Variants in CACNA1I observed in about 807,000 individuals in gnomAD.
CACNA1I encodes the protein calcium voltage-gated channel subunit alpha1 I.
CACNA1I carries 74 observed loss-of-function variants against 201.6 expected under a neutral mutation model. The observed-to-expected ratio is 0.37, with a 90% CI of 0.30 to 0.45. CACNA1I has a LOEUF of 0.45. Ranked by LOEUF, CACNA1I falls within the 20% of genes least tolerant of loss-of-function variation. CACNA1I has a pLI of 1.00. For synonymous variants in CACNA1I, 1,431 were observed against 1,345.2 expected (o/e 1.06, Z -1.40); for missense variants, 2,346 against 3,138.1 (o/e 0.75, Z 6.03).
chr22:39,610,391 G>T (rs1933352794), intron 3 of CACNA1I, among the ~76,000 whole-genome samples: 2 of 152,160 alleles, frequency 1.3e-5, no homozygotes, highest in African/African-American at 4.8e-5. Context: ...CGTGGACTGG[G>T]GAAGGTTCCA....
chr22:39,636,614 G>T (rs139253146), intron 5 of CACNA1I, among the ~76,000 whole-genome samples: 1 of 152,330 alleles, frequency 6.6e-6, no homozygotes, highest in African/African-American at 2.4e-5. Flanking sequence ...GGGAGGCTTA[G>T]ACCTTAACTC....
At chr22:39,588,240 C>T (rs192604100) in intron 1 of CACNA1I, among the ~76,000 whole-genome samples, 1 of 149,118 alleles carries the variant, frequency 6.7e-6, no homozygotes, top group Non-Finnish European at 1.5e-5. Context: ...TTAAGTGATC[C>T]TCCTGCCTCA....
chr22:39,591,741 G>C (rs1276396677), intron 1 of CACNA1I, among the ~76,000 whole-genome samples: 2 of 151,792 alleles, frequency 1.3e-5, no homozygotes, highest in African/African-American at 4.8e-5. Flanking sequence ...TGTATTTTTA[G>C]TAGAGACAGG....
At position 39,648,229 on chromosome 22, in the gene CACNA1I, C is replaced by T. The variant is rs888021124; in HGVS notation, c.1567+303C>T. Among the ~76,000 whole-genome samples, 2 of 152,102 alleles carry T rather than the reference C, an allele frequency of 1.3e-5. No homozygotes were observed. Among genetic ancestry groups the T allele is most frequent in the Non-Finnish European group, 2.9e-5 (2 of 68,004 alleles). On this transcript the variant is annotated intron_variant, in intron 9 of 36. Transcript: ENST00000402142. The surrounding 1 kb of genome is among the most constrained non-coding windows in gnomAD (Gnocchi z 5.4). The stretch of plus-strand genomic sequence containing the variant: ...CTCAGAGCTGCCGCCCACCCGTCCT[C>T]GGGTGCCAGCCATCCAGGCGTGGGC...
chr22:39,634,472 C>T (rs5757756), intron 4 of CACNA1I, 93 bp from the exon 5 acceptor site: 1 of 1,209,810 alleles, frequency 8.3e-7, no homozygotes, highest in Middle Eastern at 2.6e-4. Flanking sequence ...GCATCCCCCT[C>T]CCCCTCCCTG....
chr22:39,573,397 C>T (rs143604538), intron 1 of CACNA1I, among the ~76,000 whole-genome samples: 6 of 152,186 alleles, frequency 3.9e-5, no homozygotes, highest in Non-Finnish European at 5.9e-5. Context: ...GACCCAGCTG[C>T]GTCTCTGATG....
intron 23 of CACNA1I, among the ~76,000 whole-genome samples, chr22:39,667,440 G>A (rs912947283): frequency 6.6e-6 from 1 of 152,204 alleles, no homozygotes; most frequent in Non-Finnish European, 1.5e-5. Flanking sequence ...TGGGGAGAGG[G>A]CTTCCTGAGT....
chr22:39,662,135 G>A lies in CACNA1I; in HGVS notation c.3072G>A (p.Glu1024=), dbSNP rs1320155155. ...GARVCEVAAD[E]GPPRAAPLHT... ...GGGTCTGCGAGGTTGCCGCGGACGA[G>A]GGGCCGCCGCGGGCCGCACCCCTGC... Residue 1024 remains glutamate (E), a synonymous_variant, in exon 17 of 37, where the codon GAG becomes GAA. Coordinates refer to ENST00000402142, the MANE Select transcript of CACNA1I (RefSeq NM_021096.4). The A allele has an allele frequency of 2.9e-5, 44 of 1,526,044 alleles. No individual in the cohort carries two copies. The highest frequency in any genetic ancestry group is 3.9e-5 in the Non-Finnish European group (44 of 1,140,698). The allele number at this position is 1,526,044 out of a possible 1,614,324, so 94.5% of individuals were successfully genotyped here. A position where few individuals can be genotyped will look rare whatever the true frequency, so the allele number is the denominator to read the frequency against.
rs771910930 is a variant in CACNA1I, at chr22:39,684,393, A to G, written c.5922A>G (p.Lys1974=). The G allele has an allele frequency of 6.8e-6, 11 of 1,613,532 alleles. No individual in the cohort carries two copies. The Middle Eastern group carries it at 1.2e-3, about 169-fold the overall frequency. ...ACCCTGCAGTGTCTGCCAGCCAGAA[A>G]GGCCCAGAAAAGGGCACTGGCACTG... ...FFHPAVSASQ[K]GPEKGTGTGT... The change falls in exon 36 of 37, where the codon AAA becomes AAG. Residue 1974 remains lysine, a synonymous_variant. Coordinates refer to ENST00000402142, the MANE Select transcript of CACNA1I (RefSeq NM_021096.4). This position sits in a 1 kb window ranked among gnomAD's most constrained non-coding sequence, Gnocchi z 4.6.
chr22:39,656,818 C>G (rs1367168174), intron 10 of CACNA1I: 1 of 516,468 alleles, frequency 1.9e-6, no homozygotes, highest in Non-Finnish European at 3.9e-6. Context: ...TCAGTCTCCT[C>G]ATCTGTAAAA....
intron 1 of CACNA1I, 54 bp downstream of exon 1, chr22:39,571,042 G>A: frequency 6.8e-7 from 1 of 1,461,070 alleles, no homozygotes; most frequent in Non-Finnish European, 9.6e-7. Flanking sequence ...AAGGGTGGGG[G>A]GCTGGATTGA....
At chr22:39,660,309 T>C in intron 14 of CACNA1I, 35 bp from the exon 15 acceptor site, 1 of 1,540,878 alleles carries the variant, frequency 6.5e-7, no homozygotes, top group Middle Eastern at 1.7e-4. Flanking sequence ...GGAGCTGGAC[T>C]GACCTGCATT....
chr22:39,648,358 A>AG lies in CACNA1I; in HGVS notation c.1567+433dup, dbSNP rs1474883706. Among the ~76,000 whole-genome samples, 8 of 152,118 alleles carry AG rather than the reference A, an allele frequency of 5.3e-5. No individual in the cohort carries two copies. The highest frequency in any genetic ancestry group is 1.0e-4 in the Non-Finnish European group (7 of 68,010). ...GTGTTGCTGGAGGACGTGGGGGAGA[A>AG]GTGTTCACTCCAACGGGCTTCCTGC... On this transcript the variant is annotated intron_variant, in intron 9 of 36. Coordinates refer to ENST00000402142, the MANE Select transcript of CACNA1I (RefSeq NM_021096.4). This position sits in a 1 kb window ranked among gnomAD's most constrained non-coding sequence, Gnocchi z 5.4.
Position 39,684,587 on chromosome 22 carries a change from G to C in CACNA1I, c.6027+89G>C. ...CCTGGAAGTCCAAGGGACTGGGAGG[G>C]GAAGGACCCAACCAAAGGCCGAGGG... On this transcript the variant is annotated intron_variant, in intron 36 of 36. Transcript: ENST00000402142. The surrounding 1 kb of genome is among the most constrained non-coding windows in gnomAD (Gnocchi z 4.6). 2 of 1,427,350 alleles carry C rather than the reference G, an allele frequency of 1.4e-6. No individual in the cohort carries two copies. The highest frequency in any genetic ancestry group is 1.9e-6 in the Non-Finnish European group (2 of 1,034,148). 88.4% of individuals were successfully genotyped at this position (1,427,350 alleles called of 1,614,324 possible).
intron 3 of CACNA1I, among the ~76,000 whole-genome samples, chr22:39,606,684 C>T (rs1002765766): frequency 3.3e-5 from 5 of 152,224 alleles, no homozygotes; most frequent in Admixed American, 2.0e-4. Context: ...AGGCATGCGC[C>T]GCCATGCCGG....
chr22:39,634,478 C>A, intron 4 of CACNA1I, 87 bp from the exon 5 acceptor site: 7 of 1,311,436 alleles, frequency 5.3e-6, no homozygotes, highest in Non-Finnish European at 7.7e-6. Flanking sequence ...CCCTCCCCCT[C>A]CCTGTTTCTC....
At position 39,659,391 on chromosome 22, in the gene CACNA1I, G is replaced by C; in HGVS notation, c.2331-42G>C. On this transcript the variant is annotated intron_variant, in intron 12 of 36. Transcript: ENST00000402142. The surrounding 1 kb of genome is among the most constrained non-coding windows in gnomAD (Gnocchi z 4.3). ...ATGAAACAAGGTGAGTAGGCAGTTT[G>C]GTGCATGTGAGTCCGATGAGCCTCT... The C allele has an allele frequency of 7.7e-7, 1 of 1,292,374 alleles. No individual in the cohort carries two copies. The allele number at this position is 1,292,374 out of a possible 1,614,324, so 80.1% of individuals were successfully genotyped here. A position where few individuals can be genotyped will look rare whatever the true frequency, so the allele number is the denominator to read the frequency against.
intron 20 of CACNA1I, 26 bp downstream of exon 20, chr22:39,664,185 C>T: frequency 6.3e-7 from 1 of 1,595,448 alleles, no homozygotes; most frequent in Non-Finnish European, 8.6e-7. Context: ...ACCCGGGACC[C>T]CTGCTAGCCC....
intron 1 of CACNA1I, among the ~76,000 whole-genome samples, chr22:39,589,943 C>T (rs958111631): frequency 1.3e-5 from 2 of 152,156 alleles, no homozygotes; most frequent in Non-Finnish European, 2.9e-5. Context: ...CAAACTTGGC[C>T]ACCCCCGCCA....
Sources: gnomAD v4.1 joint callset for allele counts (sites outside exome capture counted in the v4.1 genomes callset) on GRCh38, gnomAD v4.1.1 for gene constraint, Gnocchi (gnomAD v3.1) non-coding constraint, MANE v1.5 for transcripts, NCBI Gene and HGNC (gene_info 2026-07-23, HGNC 2026-07-21) for gene names.